The following PTPRT variants were observed in gnomAD, a reference collection of about 807,000 sequenced individuals.
PTPRT encodes the protein protein tyrosine phosphatase receptor type T.
Under a neutral mutation model 176.8 loss-of-function variants are expected in PTPRT, and 56 were observed. The observed-to-expected ratio is 0.32, with a 90% CI of 0.26 to 0.40. The LOEUF is 0.40. Ranked by LOEUF, PTPRT falls within the 10% of genes least tolerant of loss-of-function variation. The pLI is 1.00. For missense variants in PTPRT, 1,540 were observed against 1,908.2 expected (o/e 0.81, Z 3.60); for synonymous variants, 783 against 739.0 (o/e 1.06, Z -0.96).
intron 1 of PTPRT, among the ~76,000 whole-genome samples, chr20:42,976,721 GA>G (rs1280971881): frequency 6.6e-6 from 1 of 152,220 alleles, no homozygotes; most frequent in African/African-American, 2.4e-5. Flanking sequence ...TATTATTATG[GA>G]ATACTATATC....
At chr20:42,716,180 C>T (rs927864676) in intron 6 of PTPRT, among the ~76,000 whole-genome samples, 16 of 151,796 alleles carry the variant, frequency 1.1e-4, no homozygotes, top group African/African-American at 2.7e-4. Context: ...CTAAATAGCT[C>T]GGATCAGCTG....
chr20:42,765,716 A>G (rs1429503881), intron 5 of PTPRT, among the ~76,000 whole-genome samples: 1 of 151,890 alleles, frequency 6.6e-6, no homozygotes, highest in Non-Finnish European at 1.5e-5. Context: ...TATATTATGT[A>G]CATGAGCATG....
At chr20:42,049,851 GC>G in the PTPRT span, among the ~76,000 whole-genome samples, 12 of 152,114 alleles carry the variant, frequency 7.9e-5, no homozygotes, top group Admixed American at 3.3e-4. Flanking sequence ...TCCAAGAGGG[GC>G]TGAGATCAGC....
intron 3 of PTPRT, among the ~76,000 whole-genome samples, chr20:42,790,008 G>A (rs1006713583): frequency 3.9e-5 from 6 of 152,182 alleles, no homozygotes; most frequent in Admixed American, 3.9e-4. Flanking sequence ...CCAAAATGCA[G>A]ATCTGACTGC....
At chr20:43,053,470 A>G (rs772100412) in intron 1 of PTPRT, among the ~76,000 whole-genome samples, 8 of 152,136 alleles carry the variant, frequency 5.3e-5, no homozygotes, top group Non-Finnish European at 1.2e-4. Flanking sequence ...TCATCCACTG[A>G]ATTAAAGCAA....
chr20:42,446,611 TGTGTGTGTGTGA>T (rs1307919831), intron 9 of PTPRT, among the ~76,000 whole-genome samples: 29 of 149,328 alleles, frequency 1.9e-4, no homozygotes, highest in African/African-American at 7.1e-4. Flanking sequence ...TGTGTGTGTG[TGTGTGTGTGTGA>T]GAGAGAGAGA....
the PTPRT span, among the ~76,000 whole-genome samples, chr20:42,046,455 C>G: frequency 4.6e-5 from 7 of 152,234 alleles, no homozygotes; most frequent in Non-Finnish European, 8.8e-5. Context: ...AACCATCAGG[C>G]AGCCAGTGCC....
chr20:42,106,763 T>C, intron 24 of PTPRT, 23 bp downstream of exon 24: 1 of 1,607,326 alleles, frequency 6.2e-7, no homozygotes, highest in African/African-American at 1.3e-5. Context: ...GGTGGCCAAC[T>C]GTCTTGGCCC....
At chr20:42,905,850 A>C (rs1362079419) in intron 1 of PTPRT, among the ~76,000 whole-genome samples, 1 of 137,908 alleles carries the variant, frequency 7.3e-6, no homozygotes, top group African/African-American at 2.7e-5. Context: ...TCTCACTCAT[A>C]GGTGGGAATT....
rs151067562 is a variant in PTPRT at position 42,128,944 on chromosome 20, C to T, written c.2771-114G>A. 2.4e-3 allele frequency: 1,897 copies of T among 779,738 alleles called. 5 individuals are homozygous for T. Among genetic ancestry groups the T allele is most frequent in the Non-Finnish European group, 2.8e-3 (1,531 of 545,460 alleles). The allele number at this position is 779,738 out of a possible 1,614,324, so 48.3% of individuals were successfully genotyped here. Reference sequence around the variant, plus strand: ...TGCATATCAGGCATTGTGCTACTCTCATTTAACTCTCAACACCACCCTCAG... The same window carrying T: ...TGCATATCAGGCATTGTGCTACTCTTATTTAACTCTCAACACCACCCTCAG... On this transcript the variant is annotated intron_variant, in intron 18 of 30. Transcript: ENST00000373187.
At chr20:42,914,774 G>C (rs1440553919) in intron 1 of PTPRT, among the ~76,000 whole-genome samples, 2 of 152,070 alleles carry the variant, frequency 1.3e-5, no homozygotes, top group Admixed American at 6.6e-5. Flanking sequence ...TAAGTGGATA[G>C]GGGTATGGGT....
intron 7 of PTPRT, among the ~76,000 whole-genome samples, chr20:42,554,747 T>A (rs1568973459): frequency 6.6e-6 from 1 of 152,166 alleles, no homozygotes; most frequent in East Asian, 1.9e-4. Flanking sequence ...GGATGCTTAT[T>A]GGACTTAAGC....
chr20:42,197,605 T>C (rs574852486), intron 16 of PTPRT, among the ~76,000 whole-genome samples: 1 of 152,142 alleles, frequency 6.6e-6, no homozygotes, highest in South Asian at 2.1e-4. Context: ...AGTAAGGTTA[T>C]ACTTTATTGT....
At position 43,114,715 on chromosome 20, in the gene PTPRT, T is replaced by A. The variant is rs567283062; in HGVS notation, c.88+74931A>T. Among the ~76,000 whole-genome samples, 123 of 152,298 alleles carry A rather than the reference T, an allele frequency of 8.1e-4. 1 individual carries two copies. The highest frequency in any genetic ancestry group is 1.3e-3 in the Admixed American group (20 of 15,290). On this transcript the variant is annotated intron_variant, in intron 1 of 30. Transcript: ENST00000373187. ...TTGCTTTTTTGAGAAAACATAGATA[T>A]GGTGCTAAATTAAATGGCTTACGTT...
At chr20:42,805,201 C>T (rs570307760) in intron 2 of PTPRT, among the ~76,000 whole-genome samples, 9 of 152,274 alleles carry the variant, frequency 5.9e-5, no homozygotes, top group African/African-American at 9.6e-5. Flanking sequence ...CAAGTCCTCA[C>T]GGAAAGACAG....
At chr20:42,174,532 T>G (rs1293087404) in intron 16 of PTPRT, among the ~76,000 whole-genome samples, 1 of 152,150 alleles carries the variant, frequency 6.6e-6, no homozygotes, top group Non-Finnish European at 1.5e-5. Context: ...AACCATCACT[T>G]AAAGGAAAAC....
At chr20:43,131,458 T>C (rs2013644221) in intron 1 of PTPRT, among the ~76,000 whole-genome samples, 1 of 152,254 alleles carries the variant, frequency 6.6e-6, no homozygotes, top group South Asian at 2.1e-4. Context: ...AATAATGATA[T>C]ATTATTTCTA....
Position 42,110,478 on chromosome 20 carries a change from G to C in PTPRT, c.3109C>G (p.His1037Asp), listed in dbSNP as rs2146292555. Residue 1037 changes from histidine to aspartate, a missense_variant, in exon 23 of 31, where the codon CAT becomes GAT. By Grantham distance (81) the His-to-Asp change is moderately conservative (BLOSUM62 -1). Coordinates refer to ENST00000373187, the MANE Select transcript of PTPRT (RefSeq NM_007050.6). Reference sequence around the variant, plus strand: ...AAGAGGCGGAGCTCCCGGATCTCATGGTAGCCTTTCTGAGGAAAGAACGGG... The same window carrying C: ...AAGAGGCGGAGCTCCCGGATCTCATCGTAGCCTTTCTGAGGAAAGAACGGG... Reference protein sequence around the residue: ...RTFTVQKKGYHEIRELRLFHF... With the variant: ...RTFTVQKKGYDEIRELRLFHF... 6.2e-7 allele frequency: 1 copy of C among 1,604,910 alleles called. No homozygotes were observed. The highest frequency in any genetic ancestry group is 8.5e-7 in the Non-Finnish European group (1 of 1,174,134).
chr20:42,620,192 A>G (rs1393826382), intron 7 of PTPRT, among the ~76,000 whole-genome samples: 1 of 146,996 alleles, frequency 6.8e-6, no homozygotes, highest in African/African-American at 2.6e-5. Context: ...CTGTTGGAAT[A>G]CCCTGCCTTG....
Sources: allele counts gnomAD v4.1 joint callset (sites outside exome capture counted in the v4.1 genomes callset), GRCh38; gene constraint gnomAD v4.1.1; transcripts MANE v1.5; gene names NCBI Gene and HGNC (gene_info 2026-07-23, HGNC 2026-07-21).